NCOA2: variants seen among roughly 807,000 people sequenced by gnomAD.
NCOA2 encodes the protein nuclear receptor coactivator 2.
A neutral mutation model predicts 145.1 loss-of-function variants in NCOA2; 21 were observed. The ratio of observed to expected loss-of-function variants is 0.14; its 90% CI spans 0.10 to 0.21. The LOEUF is 0.21. Ranked by LOEUF, NCOA2 falls within the 10% of genes least tolerant of loss-of-function variation. The probability of loss-of-function intolerance (pLI) is 1.00; values close to 1 mark genes in which losing one functional copy is unlikely to be tolerated. For missense variants in NCOA2, 1,472 were observed against 1,837.6 expected, an observed-to-expected ratio of 0.80 and a Z score of 3.64; for synonymous variants, 619 against 637.5, an observed-to-expected ratio of 0.97 and a Z score of 0.44.
chr8:70,304,265 T>C (rs1451232198), intron 1 of NCOA2, among the ~76,000 whole-genome samples: 1 of 152,220 alleles, frequency 6.6e-6, no homozygotes, highest in African/African-American at 2.4e-5. Context: ...GACATGTTTA[T>C]ATACACAAAT....
At chr8:70,260,868 C>T (rs546061721) in intron 2 of NCOA2, among the ~76,000 whole-genome samples, 27 of 152,264 alleles carry the variant, frequency 1.8e-4, no homozygotes, top group Admixed American at 1.4e-3. Context: ...CCATCACTGG[C>T]CATCAGAGAA....
At chr8:70,227,097 G>C (rs1435435714) in intron 2 of NCOA2, among the ~76,000 whole-genome samples, 1 of 152,158 alleles carries the variant, frequency 6.6e-6, no homozygotes, top group Non-Finnish European at 1.5e-5. Context: ...GGTTTTGTTG[G>C]CACCCACTGT....
intron 2 of NCOA2, among the ~76,000 whole-genome samples, chr8:70,288,158 T>C (rs1826381596): frequency 6.6e-6 from 1 of 152,218 alleles, no homozygotes; most frequent in African/African-American, 2.4e-5. Flanking sequence ...GAGAAAGGCT[T>C]AGAACACTAC....
At chr8:70,448,805 CT>C in the NCOA2 span, among the ~76,000 whole-genome samples, 77,104 of 143,568 alleles carry the variant, frequency 0.54, 20,661 homozygotes, top group East Asian at 0.74. Flanking sequence ...TGTTGCCTGG[CT>C]TTTTTTTTTT....
At position 70,156,454 on chromosome 8, in the gene NCOA2, C is replaced by T. The variant is rs1812300215; in HGVS notation, c.1911G>A (p.Gly637=). The change falls in exon 11 of 23, where the codon GGG becomes GGA. Residue 637 remains glycine (G), a synonymous_variant. Transcript: ENST00000452400. ...TCAGCAGCTGCAGGAGTTTGGTCTG[C>T]CCTTTGCTGTCATGCAGTCTGCTCT... ...DGQSRLHDSK[G]QTKLLQLLTT... 2 of 1,613,794 alleles carry T rather than the reference C, an allele frequency of 1.2e-6. No homozygotes were observed. Among genetic ancestry groups the T allele is most frequent in the Admixed American group, 1.7e-5 (1 of 59,998 alleles).
At chr8:70,361,534 G>A (rs1490707564) in intron 1 of NCOA2, among the ~76,000 whole-genome samples, 1 of 152,078 alleles carries the variant, frequency 6.6e-6, no homozygotes, top group Non-Finnish European at 1.5e-5. Context: ...TAACATGTAT[G>A]AAATCTTAAT....
At chr8:70,163,755 G>A (rs774333154) in intron 7 of NCOA2, among the ~76,000 whole-genome samples, 189 bp from the exon 8 acceptor site, 2 of 152,126 alleles carry the variant, frequency 1.3e-5, no homozygotes, top group Non-Finnish European at 2.9e-5. Context: ...TAAGGGAGAC[G>A]GAGGGTGGCT....
At chr8:70,170,923 G>C (rs2132647787) in intron 5 of NCOA2, among the ~76,000 whole-genome samples, 1 of 152,234 alleles carries the variant, frequency 6.6e-6, no homozygotes, top group Non-Finnish European at 1.5e-5. Flanking sequence ...GACCTTTAAA[G>C]AAACATCAAT....
intron 4 of NCOA2, among the ~76,000 whole-genome samples, chr8:70,177,477 A>G (rs984380183): frequency 6.6e-6 from 1 of 152,172 alleles, no homozygotes; most frequent in African/African-American, 2.4e-5. Flanking sequence ...TCCTCCCAGA[A>G]GCATGGGAGC....
In NCOA2 at chr8:70,371,706, A is replaced by G. The variant is rs867208424; in HGVS notation, c.-77+31994T>C. Among the ~76,000 whole-genome samples the G allele has an allele frequency of 3.3e-5, 5 of 152,352 alleles. No homozygotes were observed. The South Asian group carries it at 1.0e-3, about 32-fold the overall frequency. ...TGTTTAACCACATAAACACAAATGT[A>G]CTACACGTGGGCAAACAGTTCAGTC... On this transcript the variant is annotated intron_variant, in intron 1 of 22. Coordinates refer to ENST00000452400, the MANE Select transcript of NCOA2 (RefSeq NM_006540.4).
intron 2 of NCOA2, among the ~76,000 whole-genome samples, chr8:70,295,692 A>G (rs1827037674): frequency 1.3e-5 from 2 of 152,178 alleles, no homozygotes; most frequent in Non-Finnish European, 2.9e-5. Flanking sequence ...CTGTAATCCA[A>G]GCACTTTGGG....
intron 2 of NCOA2, among the ~76,000 whole-genome samples, chr8:70,284,455 T>C (rs901145567): frequency 3.3e-5 from 5 of 152,194 alleles, no homozygotes; most frequent in Non-Finnish European, 4.4e-5. Context: ...ATTTTGTAGT[T>C]GTTTATCCTC....
intron 2 of NCOA2, chr8:70,273,636 C>T (rs1825240882): frequency 1.1e-5 from 8 of 731,452 alleles, no homozygotes; most frequent in East Asian, 5.9e-5. Flanking sequence ...ACAGGCTATA[C>T]TGAGACAAAG....
chr8:70,223,231 A>G (rs967476640), intron 2 of NCOA2, among the ~76,000 whole-genome samples: 1 of 152,220 alleles, frequency 6.6e-6, no homozygotes, highest in Admixed American at 6.5e-5. Context: ...TGAGTTTCAT[A>G]ACTTGTCCAG....
intron 1 of NCOA2, among the ~76,000 whole-genome samples, chr8:70,331,252 T>C (rs537160934): frequency 6.6e-6 from 1 of 151,860 alleles, no homozygotes; most frequent in South Asian, 2.1e-4. Context: ...AGCATAAAGC[T>C]TTCTTACTAA....
At chr8:70,415,619 G>A in the NCOA2 span, among the ~76,000 whole-genome samples, 4 of 152,292 alleles carry the variant, frequency 2.6e-5, no homozygotes, top group South Asian at 2.1e-4. Flanking sequence ...AATATTGGGT[G>A]ACTGTGACCA....
chr8:70,275,813 T>C (rs1395945581), intron 2 of NCOA2, among the ~76,000 whole-genome samples: 1 of 152,240 alleles, frequency 6.6e-6, no homozygotes, highest in Non-Finnish European at 1.5e-5. Flanking sequence ...TGTTAATTTT[T>C]AAAAGTGCAC....
chr8:70,425,628 C>G, the NCOA2 span, among the ~76,000 whole-genome samples: 1 of 152,226 alleles, frequency 6.6e-6, no homozygotes, highest in Non-Finnish European at 1.5e-5. Flanking sequence ...CAAATCAAAT[C>G]CTCACTTTCC....
chr8:70,192,849 A>G (rs1276013065), intron 4 of NCOA2, among the ~76,000 whole-genome samples: 1 of 152,048 alleles, frequency 6.6e-6, no homozygotes, highest in African/African-American at 2.4e-5. Flanking sequence ...CGGGCAGATC[A>G]CGAGCTCAGG....
Sources: gnomAD v4.1 joint callset for allele counts (sites outside exome capture counted in the v4.1 genomes callset) on GRCh38, gnomAD v4.1.1 for gene constraint, MANE v1.5 for transcripts, NCBI Gene and HGNC (gene_info 2026-07-23, HGNC 2026-07-21) for gene names.